Variants in GPATCH2 observed in about 807,000 individuals in gnomAD.
GPATCH2 encodes the protein G-patch domain containing 2.
A neutral mutation model predicts 58.0 loss-of-function variants in GPATCH2; 51 were observed. The ratio of observed to expected loss-of-function variants is 0.88; its 90% CI spans 0.70 to 1.11. GPATCH2 has a LOEUF of 1.11. Among genes scored for constraint, GPATCH2 ranks in the 50% most tolerant of loss-of-function variants. The pLI, the probability that GPATCH2 is intolerant of heterozygous loss-of-function variation, is 0.00. For missense variants in GPATCH2, 625 were observed against 652.2 expected, an observed-to-expected ratio of 0.96 and a Z score of 0.45; for synonymous variants, 222 against 218.5, an observed-to-expected ratio of 1.02 and a Z score of -0.14.
intron 5 of GPATCH2, among the ~76,000 whole-genome samples, chr1:217,517,596 T>A (rs1241266403): frequency 1.3e-5 from 2 of 152,264 alleles, no homozygotes; most frequent in South Asian, 2.1e-4. Context: ...CTTAAGGAAT[T>A]CTTTCTAAAA....
At chr1:217,570,252 G>C (rs941330824) in intron 5 of GPATCH2, among the ~76,000 whole-genome samples, 3 of 151,962 alleles carry the variant, frequency 2.0e-5, no homozygotes, top group Non-Finnish European at 4.4e-5. Context: ...GCTGGGACTA[G>C]AGGTGCACGC....
At chr1:217,536,758 T>C (rs1408966024) in intron 5 of GPATCH2, among the ~76,000 whole-genome samples, 2 of 152,248 alleles carry the variant, frequency 1.3e-5, no homozygotes, top group East Asian at 3.9e-4. Context: ...AGACGGATCA[T>C]GAGGTCAGGA....
intron 7 of GPATCH2, chr1:217,495,100 C>G (rs1391151992): frequency 3.5e-6 from 2 of 570,570 alleles, no homozygotes; most frequent in Non-Finnish European, 4.4e-6. Context: ...TAAAAAATAA[C>G]TCATATAAGA....
chr1:217,542,677 AT>A (rs1208069558), intron 5 of GPATCH2, among the ~76,000 whole-genome samples: 1 of 152,158 alleles, frequency 6.6e-6, no homozygotes, highest in Non-Finnish European at 1.5e-5. Flanking sequence ...ATAAACATCT[AT>A]TTCCTTTTAA....
intron 5 of GPATCH2, among the ~76,000 whole-genome samples, chr1:217,545,836 A>G (rs1297475544): frequency 6.6e-6 from 1 of 152,238 alleles, no homozygotes; most frequent in Non-Finnish European, 1.5e-5. Context: ...TTTTACATAC[A>G]GCTAGATCAT....
rs192306281 is a variant in GPATCH2 at position 217,447,702 on chromosome 1, A to G, written c.1366+1547T>C. ...GGTATGCATCTAAATGCATAATTTT[A>G]TAATCTAGTCCCTTATATGGAACAA... On this transcript the variant is annotated intron_variant, in intron 9 of 9. Transcript: ENST00000366935. Among the ~76,000 whole-genome samples the G allele has an allele frequency of 2.6e-5, 4 of 152,346 alleles. No homozygotes were observed. The East Asian group carries it at 5.8e-4, about 22-fold the overall frequency.
intron 6 of GPATCH2, among the ~76,000 whole-genome samples, chr1:217,502,450 T>G (rs1161085618): frequency 6.6e-6 from 1 of 152,118 alleles, no homozygotes; most frequent in Non-Finnish European, 1.5e-5. Context: ...CTTCAAAATG[T>G]ATGAAGAAAA....
intron 5 of GPATCH2, among the ~76,000 whole-genome samples, chr1:217,586,016 C>T (rs1250240834): frequency 6.6e-6 from 1 of 151,912 alleles, no homozygotes; most frequent in Non-Finnish European, 1.5e-5. Flanking sequence ...AAATGGTATA[C>T]CTGTATAGGG....
chr1:217,512,566 G>A (rs1278854214), intron 6 of GPATCH2, among the ~76,000 whole-genome samples: 1 of 152,184 alleles, frequency 6.6e-6, no homozygotes, highest in African/African-American at 2.4e-5. Flanking sequence ...ACCTGCTGGA[G>A]GCCATGGCTT....
intron 5 of GPATCH2, among the ~76,000 whole-genome samples, chr1:217,564,025 C>A (rs1571925412): frequency 1.2e-5 from 1 of 84,050 alleles, no homozygotes; most frequent in Non-Finnish European, 2.1e-5. Flanking sequence ...GCCTGCGCAA[C>A]AACAGCAAAA....
intron 5 of GPATCH2, among the ~76,000 whole-genome samples, chr1:217,589,816 G>A (rs188522786): frequency 1.8e-4 from 27 of 152,256 alleles, no homozygotes; most frequent in African/African-American, 6.3e-4. Context: ...GCTCTATTCA[G>A]TCTGCTGGAG....
chr1:217,587,043 T>C (rs997711351), intron 5 of GPATCH2, among the ~76,000 whole-genome samples: 1 of 152,186 alleles, frequency 6.6e-6, no homozygotes, highest in African/African-American at 2.4e-5. Context: ...GAACTACTGA[T>C]GGTGTATGGT....
At chr1:217,453,509 A>G (rs1214099488) in intron 8 of GPATCH2, among the ~76,000 whole-genome samples, 1 of 152,222 alleles carries the variant, frequency 6.6e-6, no homozygotes, top group Non-Finnish European at 1.5e-5. Context: ...TTAGAAAAGC[A>G]GAACTCAAAA....
At chr1:217,577,050 T>C (rs1048736008) in intron 5 of GPATCH2, among the ~76,000 whole-genome samples, 10 of 152,210 alleles carry the variant, frequency 6.6e-5, no homozygotes, top group Non-Finnish European at 7.3e-5. Context: ...TATTTGCTAA[T>C]TGGATAATGC....
Position 217,486,354 on chromosome 1 carries a change from C to T in GPATCH2, c.1277+5326G>A, listed in dbSNP as rs1027829100. On this transcript the variant is annotated intron_variant, in intron 8 of 9. Coordinates refer to ENST00000366935, the MANE Select transcript of GPATCH2 (RefSeq NM_018040.5). ...CTTCTATTGGAATCTGTAATCCAATCGATTGTTTTTCTTTTGAAAAGGCTG... is the reference window on the plus strand; with the variant it reads ...CTTCTATTGGAATCTGTAATCCAATTGATTGTTTTTCTTTTGAAAAGGCTG... 7.9e-5 allele frequency among the ~76,000 whole-genome samples: 12 copies of T among 152,114 alleles called. 1 individual carries two copies. The highest frequency in any genetic ancestry group is 7.2e-4 in the Admixed American group (11 of 15,262).
intron 9 of GPATCH2, among the ~76,000 whole-genome samples, chr1:217,440,658 CAA>C (rs1284271581): frequency 1.3e-5 from 2 of 152,206 alleles, no homozygotes; most frequent in East Asian, 1.9e-4. Flanking sequence ...GAAACTTCAG[CAA>C]AGTCTCAGGA....
intron 5 of GPATCH2, among the ~76,000 whole-genome samples, chr1:217,520,114 C>T (rs1320102119): frequency 2.0e-5 from 3 of 152,064 alleles, no homozygotes; most frequent in Admixed American, 6.5e-5. Context: ...TCATCACTGG[C>T]TACAAGAAAT....
intron 2 of GPATCH2, among the ~76,000 whole-genome samples, chr1:217,618,703 A>T (rs1669020814): frequency 1.3e-5 from 2 of 151,998 alleles, no homozygotes; most frequent in Non-Finnish European, 2.9e-5. Flanking sequence ...CATGATTAAA[A>T]TGATCCCAGC....
intron 8 of GPATCH2, among the ~76,000 whole-genome samples, chr1:217,480,534 T>C (rs1289082863): frequency 6.6e-6 from 1 of 152,156 alleles, no homozygotes; most frequent in East Asian, 1.9e-4. Context: ...CCTTTAATGT[T>C]GTTGGCAGGA....
Sources: gnomAD v4.1 joint callset for allele counts (sites outside exome capture counted in the v4.1 genomes callset) on GRCh38, gnomAD v4.1.1 for gene constraint, MANE v1.5 for transcripts, NCBI Gene and HGNC (gene_info 2026-07-23, HGNC 2026-07-21) for gene names.